Variants in HACL1 observed in about 807,000 individuals in gnomAD.
HACL1 encodes the protein 2-hydroxyacyl-CoA lyase 1.
Under a neutral mutation model 74.2 loss-of-function variants are expected in HACL1, and 64 were observed. The ratio of observed to expected loss-of-function variants is 0.86; its 90% confidence interval spans 0.70 to 1.06. The LOEUF (loss-of-function observed/expected upper bound fraction) is 1.06. Among genes scored for constraint, HACL1 ranks in the 50% least tolerant of loss-of-function variants. The probability of loss-of-function intolerance (pLI) is 0.00; values close to 1 mark genes in which losing one functional copy is unlikely to be tolerated. For missense variants in HACL1, 728 were observed against 719.7 expected (o/e 1.01, Z -0.13); for synonymous variants, 230 against 238.8 (o/e 0.96, Z 0.34).
At chr3:15,576,149 T>A (rs948515414) in intron 9 of HACL1, among the ~76,000 whole-genome samples, 29 of 99,534 alleles carry the variant, frequency 2.9e-4, no homozygotes, top group African/African-American at 1.1e-3. Flanking sequence ...AGCGAGACTC[T>A]GTCTCAAAAA....
intron 9 of HACL1, among the ~76,000 whole-genome samples, chr3:15,578,816 C>T (rs1373427640): frequency 1.3e-5 from 2 of 152,036 alleles, no homozygotes; most frequent in Non-Finnish European, 2.9e-5. Context: ...TTTTCTTCTG[C>T]AGCTTGTTCA....
At chr3:15,576,490 C>T (rs979882073) in intron 9 of HACL1, among the ~76,000 whole-genome samples, 14 of 152,068 alleles carry the variant, frequency 9.2e-5, no homozygotes, top group Non-Finnish European at 2.1e-4. Flanking sequence ...TTAATGATTT[C>T]TACTTTCGTA....
intron 14 of HACL1, among the ~76,000 whole-genome samples, chr3:15,565,252 A>T (rs540366581): frequency 6.6e-6 from 1 of 152,132 alleles, no homozygotes; most frequent in African/African-American, 2.4e-5. Flanking sequence ...CTGGGTTTTC[A>T]TAAGTCTAGA....
intron 14 of HACL1, among the ~76,000 whole-genome samples, chr3:15,564,867 T>C (rs887374619): frequency 2.0e-5 from 3 of 152,068 alleles, no homozygotes; most frequent in Non-Finnish European, 4.4e-5. Flanking sequence ...GAATGCAAGA[T>C]TAAGAGTTGT....
intron 3 of HACL1, 81 bp downstream of exon 3, chr3:15,596,303 G>T: frequency 2.6e-6 from 2 of 758,618 alleles, no homozygotes; most frequent in South Asian, 2.9e-5. Context: ...CTTTCCAAAT[G>T]AACTCATCCT....
chr3:15,577,845 T>A (rs1354219205), intron 9 of HACL1, among the ~76,000 whole-genome samples: 1 of 151,378 alleles, frequency 6.6e-6, no homozygotes, highest in Admixed American at 6.6e-5. Context: ...ACACCTGTAA[T>A]CCCAGCACTT....
In HACL1 at chr3:15,564,620, T is replaced by C. The variant is rs372054175; in HGVS notation, c.1448A>G (p.Asn483Ser). 4.5e-6 allele frequency: 7 copies of C among 1,572,750 alleles called. No individual in the cohort carries two copies. Among genetic ancestry groups the C allele is most frequent in the Non-Finnish European group, 6.1e-6 (7 of 1,144,696 alleles). ...LPIILLVVNN[N>S]GIYQGFDTDT... ...TGTATCAAAACCTTGGTAAATTCCA[T>C]TGTTATTCACTACCAACAGTATGAT... Residue 483 changes from asparagine (N) to serine (S), a missense_variant, in exon 15 of 17, where the codon AAT (asparagine) becomes AGT (serine). Coordinates refer to ENST00000321169, the MANE Select transcript of HACL1 (RefSeq NM_012260.4).
intron 12 of HACL1, among the ~76,000 whole-genome samples, chr3:15,568,867 G>C (rs1203560183): frequency 6.6e-6 from 1 of 152,200 alleles, no homozygotes; most frequent in Non-Finnish European, 1.5e-5. Context: ...AAGACATTGA[G>C]AAGTCCTACA....
In HACL1 at chr3:15,582,935, C is replaced by T; in HGVS notation, c.609G>A (p.Val203=). The change falls in exon 8 of 17, where the codon GTG becomes GTA. Residue 203 remains valine, a synonymous_variant. Transcript: ENST00000321169. ...PPISMAETSA[V]CTAASVIRNA... ...TCCTAATAACAGAAGCCGCCGTGCA[C>T]ACAGCAGAGGTTTCTGCCATGCTAA... The T allele has an allele frequency of 6.2e-7, 1 of 1,612,632 alleles. No homozygotes were observed. Among genetic ancestry groups the T allele is most frequent in the Non-Finnish European group, 8.5e-7 (1 of 1,178,898 alleles).
chr3:15,592,415 T>C, intron 3 of HACL1, among the ~76,000 whole-genome samples: 1 of 151,096 alleles, frequency 6.6e-6, no homozygotes, highest in East Asian at 2.0e-4. Flanking sequence ...GACACACGTA[T>C]ACACACACGT....
intron 2 of HACL1, 130 bp downstream of exon 2, chr3:15,600,960 A>G: frequency 1.5e-6 from 1 of 666,264 alleles, no homozygotes; most frequent in Non-Finnish European, 2.8e-6. Context: ...TTAATATTCA[A>G]CAGTGATTGA....
rs764484510 is a variant in HACL1 at position 15,568,508 on chromosome 3, A to T, written c.1174T>A (p.Cys392Ser). The T allele has an allele frequency of 1.9e-6, 3 of 1,595,962 alleles. No individual in the cohort carries two copies. The highest frequency in any genetic ancestry group is 2.6e-6 in the Non-Finnish European group (3 of 1,163,596). ...YHVQEQLPRD[C>S]FVVSEGANTM... The stretch of plus-strand genomic sequence containing the variant: ...TTTGCTCCTTCACTTACCACGAAAC[A>T]GTCTCTAGGTAGTTGTTCTTGAACA... Residue 392 changes from cysteine to serine, a missense_variant, in exon 13 of 17, where the codon TGT becomes AGT. Physicochemically the swap from Cys to Ser is moderately radical, Grantham distance 112. Transcript: ENST00000321169.
chr3:15,598,038 C>T (rs1386909497), intron 2 of HACL1, among the ~76,000 whole-genome samples: 2 of 148,802 alleles, frequency 1.3e-5, no homozygotes, highest in Non-Finnish European at 3.0e-5. Context: ...TTTTTTGAGA[C>T]AGAGTTTCGG....
In HACL1 at chr3:15,568,568, AT is replaced by A; in HGVS notation, c.1113del (p.Lys371AsnfsTer5). On this transcript the variant is annotated frameshift_variant, in exon 13 of 17. Coordinates refer to ENST00000321169, the MANE Select transcript of HACL1 (RefSeq NM_012260.4). LOFTEE classifies it high-confidence loss of function. ...EAASKELASK[K>X]SLPMNYYTVF... ...ACTGTGTAATAATTCATAGGCAGGG[AT>A]TTTTTAGAAGCTAGTTCCTGAAAAG... is the stretch of plus-strand genomic sequence containing the variant. 6.5e-7 allele frequency: 1 copy of A among 1,546,480 alleles called. No homozygotes were observed. The highest frequency in any genetic ancestry group is 1.7e-4 in the Middle Eastern group (1 of 5,864).
Position 15,582,961 on chromosome 3 carries a change from TAGG to T in HACL1, c.580_582del (p.Pro194del), listed in dbSNP as rs1176157472. The stretch of plus-strand genomic sequence containing the variant: ...ACAGCAGAGGTTTCTGCCATGCTAA[TAGG>T]AGGTGACATGCAGCGTTCCATGTAC... On this transcript the variant is annotated inframe_deletion, in exon 8 of 17. Transcript: ENST00000321169. 1.2e-6 allele frequency: 2 copies of T among 1,609,054 alleles called. No individual in the cohort carries two copies. The highest frequency in any genetic ancestry group is 2.7e-5 in the African/African-American group (2 of 74,718).
At chr3:15,600,650 C>T (rs1372881294) in intron 2 of HACL1, among the ~76,000 whole-genome samples, 1 of 152,202 alleles carries the variant, frequency 6.6e-6, no homozygotes, top group Non-Finnish European at 1.5e-5. Context: ...CTCATTTATC[C>T]CACAGGTAAT....
At chr3:15,583,672 T>C (rs755639154) in intron 7 of HACL1, among the ~76,000 whole-genome samples, 1 of 151,054 alleles carries the variant, frequency 6.6e-6, no homozygotes, top group Non-Finnish European at 1.5e-5. Flanking sequence ...TTTTTTCTTT[T>C]GTGGAGACAG....
At chr3:15,582,781 C>G (rs2063734215) in intron 8 of HACL1, 96 bp downstream of exon 8, 1 of 610,336 alleles carries the variant, frequency 1.6e-6, no homozygotes, top group Admixed American at 3.2e-5. Context: ...ATTCCAATCT[C>G]AAACATTAGA....
chr3:15,591,936 C>CGTGTATATATACACACACTATATACATA (rs1378626951), intron 3 of HACL1, among the ~76,000 whole-genome samples: 7 of 148,406 alleles, frequency 4.7e-5, no homozygotes, highest in Admixed American at 4.7e-4. Context: ...TACGTATATA[C>CGTGTATATATACACACACTATATACATA]GTGTATATAT....
Sources: allele counts gnomAD v4.1 joint callset (sites outside exome capture counted in the v4.1 genomes callset), GRCh38; gene constraint gnomAD v4.1.1; transcripts MANE v1.5; gene names NCBI Gene and HGNC (gene_info 2026-07-23, HGNC 2026-07-21).